Variants in DMD observed in about 807,000 individuals in gnomAD.
DMD encodes mutant dystrophin.
DMD carries 63 observed loss-of-function variants against 330.1 expected under a neutral mutation model. The ratio of observed to expected loss-of-function variants is 0.19; its 90% confidence interval spans 0.16 to 0.24. The LOEUF (loss-of-function observed/expected upper bound fraction) is 0.24. Among genes scored for constraint, DMD ranks in the 10% least tolerant of loss-of-function variants. The probability of loss-of-function intolerance (pLI) is 1.00; values close to 1 mark genes in which losing one functional copy is unlikely to be tolerated. For missense variants in DMD, 3,344 were observed against 2,684.1 expected, an observed-to-expected ratio of 1.25 and a Z score of -5.43; for synonymous variants, 1,223 against 959.8, an observed-to-expected ratio of 1.27 and a Z score of -5.07.
chrX:32,652,069 G>A, intron 9 of DMD, among the ~76,000 whole-genome samples: 1 of 111,529 alleles, frequency 9.0e-6, no homozygotes, highest in Non-Finnish European at 1.9e-5. Context: ...GTACACATAT[G>A]GGGTATTTTA....
chrX:32,345,448 G>A (rs2097760575), intron 39 of DMD, among the ~76,000 whole-genome samples: 1 of 111,049 alleles, frequency 9.0e-6, no homozygotes, highest in Admixed American at 9.6e-5. Context: ...TTTGTAGATA[G>A]TTGCAAAGAG....
At chrX:32,910,677 G>A (rs561074408) in intron 2 of DMD, among the ~76,000 whole-genome samples, 22 of 111,417 alleles carry the variant, frequency 2.0e-4, no homozygotes, top group South Asian at 1.5e-3. Context: ...TCCTGACCTC[G>A]TGATCCGCCT....
intron 2 of DMD, among the ~76,000 whole-genome samples, chrX:32,883,402 T>C (rs755049489): frequency 8.9e-6 from 1 of 111,906 alleles, no homozygotes; most frequent in South Asian, 3.7e-4. Context: ...TTTTAAAGTA[T>C]AAATCCTGAT....
At chrX:31,155,681 C>G (rs1287738393) in intron 74 of DMD, among the ~76,000 whole-genome samples, 1 of 111,016 alleles carries the variant, frequency 9.0e-6, no homozygotes, top group Non-Finnish European at 1.9e-5. Flanking sequence ...TGCATTGAGC[C>G]CTTGAAATTA....
At chrX:31,211,738 G>C (rs1161207113) in intron 64 of DMD, among the ~76,000 whole-genome samples, 1 of 112,118 alleles carries the variant, frequency 8.9e-6, no homozygotes, top group Non-Finnish European at 1.9e-5. Context: ...TGAAATTACA[G>C]GAGCAGAAGA....
At chrX:32,367,092 A>T (rs2097857162) in intron 34 of DMD, among the ~76,000 whole-genome samples, 1 of 111,977 alleles carries the variant, frequency 8.9e-6, no homozygotes, top group Non-Finnish European at 1.9e-5. Context: ...TCTCCTCAAT[A>T]TATTCTGGGA....
chrX:31,254,011 C>T (rs1022782506), intron 63 of DMD, among the ~76,000 whole-genome samples: 1 of 111,903 alleles, frequency 8.9e-6, no homozygotes, highest in Non-Finnish European at 1.9e-5. Context: ...TTCTGAAGAA[C>T]GCTATAACTT....
Position 31,658,072 on chromosome X carries a change from G to T in DMD, c.7945C>A (p.Arg2649=). Residue 2649 remains arginine, a synonymous_variant, in exon 54 of 79, where the codon CGG becomes AGG. Transcript: ENST00000357033. The part of the protein sequence containing the change: ...VANDLALKLL[R]DYSADDTRKV... ...CTGGTATCATCTGCAGAATAATCCC[G>T]GAGAAGTTTCAGGGCCAAGTCATTT... is the stretch of plus-strand genomic sequence containing the variant. The T allele has an allele frequency of 8.3e-7, 1 of 1,211,262 alleles. No homozygotes were observed. Among genetic ancestry groups the T allele is most frequent in the South Asian group, 1.8e-5 (1 of 56,971 alleles).
At chrX:31,639,785 T>C (rs1002277458) in intron 54 of DMD, among the ~76,000 whole-genome samples, 20 of 111,521 alleles carry the variant, frequency 1.8e-4, no homozygotes, top group African/African-American at 6.2e-4. Flanking sequence ...CCTGTATAAG[T>C]AGGGTATGTT....
At chrX:31,834,681 C>A (rs1228968949) in intron 49 of DMD, among the ~76,000 whole-genome samples, 1 of 111,517 alleles carries the variant, frequency 9.0e-6, no homozygotes, top group African/African-American at 3.3e-5. Flanking sequence ...CTCAGGTGAT[C>A]CGCCTGCCTC....
At chrX:32,368,263 G>A (rs1486907030) in intron 34 of DMD, among the ~76,000 whole-genome samples, 10 of 111,330 alleles carry the variant, frequency 9.0e-5, no homozygotes, top group Non-Finnish European at 1.7e-4. Context: ...TGCCTACAGT[G>A]TAGCTGCAGA....
chrX:33,080,974 T>TCACACACACACACACACACACA (rs763162216), intron 1 of DMD, among the ~76,000 whole-genome samples: 1 of 92,704 alleles, frequency 1.1e-5, no homozygotes, highest in African/African-American at 4.0e-5. Flanking sequence ...TTTATAAACA[T>TCACACACACACACACACACACA]CACACACACA....
At chrX:31,479,140 T>A in intron 57 of DMD, 37 bp from the exon 58 acceptor site, 1 of 1,206,864 alleles carries the variant, frequency 8.3e-7, no homozygotes, top group East Asian at 3.0e-5. Context: ...TTATTTGGCT[T>A]GTGGCATTCT....
intron 44 of DMD, among the ~76,000 whole-genome samples, chrX:31,990,227 A>G (rs998443355): frequency 4.5e-5 from 5 of 112,318 alleles, no homozygotes; most frequent in African/African-American, 1.6e-4. Flanking sequence ...ACTTTTTTTC[A>G]ACTAAACACT....
At chrX:32,767,424 G>C (rs959849505) in intron 7 of DMD, among the ~76,000 whole-genome samples, 2 of 111,580 alleles carry the variant, frequency 1.8e-5, no homozygotes, top group Non-Finnish European at 3.8e-5. Flanking sequence ...TGACCAAAAA[G>C]CTTCATTTGT....
At chrX:31,680,513 G>A (rs143640905) in intron 52 of DMD, among the ~76,000 whole-genome samples, 1,161 of 109,617 alleles carry the variant, frequency 0.011, 6 homozygotes, top group Non-Finnish European at 0.016. Context: ...AGGAACTACA[G>A]GCACGTGCCA....
chrX:32,977,016 C>T (rs905515765), intron 2 of DMD, among the ~76,000 whole-genome samples: 21 of 111,581 alleles, frequency 1.9e-4, no homozygotes, highest in Non-Finnish European at 3.0e-4. Flanking sequence ...GGTAGCCTGG[C>T]GTGGTGGCTC....
intron 44 of DMD, among the ~76,000 whole-genome samples, chrX:32,120,070 G>A (rs901843206): frequency 1.8e-5 from 2 of 112,252 alleles, no homozygotes; most frequent in Admixed American, 9.4e-5. Flanking sequence ...ATGAATGAAC[G>A]AGAATCAGAC....
intron 47 of DMD, among the ~76,000 whole-genome samples, chrX:31,913,216 G>A (rs1273571639): frequency 8.9e-6 from 1 of 111,968 alleles, no homozygotes; most frequent in East Asian, 2.8e-4. Flanking sequence ...TTTTAAGCCA[G>A]TAACTTTTAG....
Sources: allele counts gnomAD v4.1 joint callset (sites outside exome capture counted in the v4.1 genomes callset), GRCh38; gene constraint gnomAD v4.1.1; transcripts MANE v1.5; gene names NCBI Gene and HGNC (gene_info 2026-07-23, HGNC 2026-07-21).